ASTN1: variants seen among roughly 807,000 people sequenced by gnomAD.
The protein encoded by ASTN1 is astrotactin-1.
A neutral mutation model predicts 140.7 loss-of-function variants in ASTN1; 41 were observed. The observed-to-expected ratio is 0.29, with a 90% CI of 0.23 to 0.38. The LOEUF is 0.38. Ranked by LOEUF, ASTN1 falls within the 10% of genes least tolerant of loss-of-function variation. ASTN1 has a pLI of 1.00. For missense variants in ASTN1, 1,479 were observed against 1,678.8 expected (o/e 0.88, Z 2.08); for synonymous variants, 640 against 652.2 (o/e 0.98, Z 0.29).
intron 16 of ASTN1, among the ~76,000 whole-genome samples, chr1:176,916,143 T>C (rs1050190932): frequency 2.0e-5 from 3 of 152,142 alleles, no homozygotes; most frequent in African/African-American, 7.2e-5. Flanking sequence ...ACTGAGTCCA[T>C]CTGGATTCAA....
At chr1:177,020,166 G>A (rs1191832238) in intron 7 of ASTN1, among the ~76,000 whole-genome samples, 8 of 152,134 alleles carry the variant, frequency 5.3e-5, no homozygotes, top group Non-Finnish European at 1.0e-4. Context: ...GGGATTATAG[G>A]TGTGAGCTGC....
At chr1:177,076,254 G>A (rs573254292) in intron 1 of ASTN1, among the ~76,000 whole-genome samples, 4 of 138,292 alleles carry the variant, frequency 2.9e-5, no homozygotes, top group Non-Finnish European at 4.6e-5. Context: ...ACTCCAGCCT[G>A]GATGACAGAG....
At chr1:177,041,823 C>G (rs900486346) in intron 2 of ASTN1, among the ~76,000 whole-genome samples, 2 of 152,164 alleles carry the variant, frequency 1.3e-5, no homozygotes, top group Admixed American at 1.3e-4. Context: ...TCCTCAAAGT[C>G]AGGCAGCCCA....
chr1:177,145,011 G>T (rs1289817305), intron 1 of ASTN1, among the ~76,000 whole-genome samples: 1 of 152,108 alleles, frequency 6.6e-6, no homozygotes, highest in African/African-American at 2.4e-5. Flanking sequence ...AGTTTTCAGG[G>T]TGCCTTAAAT....
intron 1 of ASTN1, among the ~76,000 whole-genome samples, chr1:177,123,434 A>G (rs576163017): frequency 1.3e-5 from 2 of 152,344 alleles, no homozygotes; most frequent in African/African-American, 4.8e-5. Context: ...GTTCTCAAAA[A>G]TATAATACCT....
Position 177,116,116 on chromosome 1 carries a change from A to G in ASTN1, c.283+48278T>C, listed in dbSNP as rs181009308. ...AAAAATCAAGTTCTCATCCCATCTGACCTGATTTTCTCTTGCTTGGGACTC... is the reference window on the plus strand; with the variant it reads ...AAAAATCAAGTTCTCATCCCATCTGGCCTGATTTTCTCTTGCTTGGGACTC... On this transcript the variant is annotated intron_variant, in intron 1 of 22. Transcript: ENST00000361833. 5.7e-4 allele frequency among the ~76,000 whole-genome samples: 86 copies of G among 152,194 alleles called. 1 individual carries two copies. The East Asian group carries it at 0.013, about 22-fold the overall frequency.
At chr1:177,107,555 G>A (rs956777927) in intron 1 of ASTN1, among the ~76,000 whole-genome samples, 5 of 152,142 alleles carry the variant, frequency 3.3e-5, no homozygotes, top group Admixed American at 6.5e-5. Flanking sequence ...GCTTCTGACT[G>A]GGTTCCCAGG....
At chr1:177,009,976 A>G (rs1415564540) in intron 8 of ASTN1, among the ~76,000 whole-genome samples, 1 of 152,194 alleles carries the variant, frequency 6.6e-6, no homozygotes, top group Non-Finnish European at 1.5e-5. Flanking sequence ...CCTCACATGC[A>G]TGAATTTAAC....
intron 19 of ASTN1, among the ~76,000 whole-genome samples, chr1:176,883,896 G>A (rs1425220562): frequency 1.3e-5 from 2 of 152,118 alleles, no homozygotes; most frequent in African/African-American, 2.4e-5. Context: ...AAAAGACATG[G>A]GCCAAACACA....
At chr1:177,008,213 T>G (rs559145260) in intron 8 of ASTN1, among the ~76,000 whole-genome samples, 1 of 152,268 alleles carries the variant, frequency 6.6e-6, no homozygotes, top group Admixed American at 6.5e-5. Flanking sequence ...TAAGGGACAA[T>G]GTTTCTGCTA....
chr1:177,056,035 C>T (rs1466475467), intron 2 of ASTN1, among the ~76,000 whole-genome samples: 1 of 152,150 alleles, frequency 6.6e-6, no homozygotes, highest in Non-Finnish European at 1.5e-5. Context: ...TGAAATGAGG[C>T]ACGGCTTCAA....
At chr1:176,944,172 GGT>G (rs1338573711) in intron 13 of ASTN1, among the ~76,000 whole-genome samples, 154 bp from the exon 14 acceptor site, 3 of 152,070 alleles carry the variant, frequency 2.0e-5, no homozygotes, top group Non-Finnish European at 4.4e-5. Flanking sequence ...CTGCCTCCAG[GGT>G]TCAAGCAATT....
At chr1:176,912,465 G>C (rs1670288919) in intron 16 of ASTN1, among the ~76,000 whole-genome samples, 1 of 151,984 alleles carries the variant, frequency 6.6e-6, no homozygotes, top group Non-Finnish European at 1.5e-5. Context: ...TTAGCTTGAG[G>C]GCCATATAAA....
intron 16 of ASTN1, among the ~76,000 whole-genome samples, chr1:176,913,646 A>T (rs1670348829): frequency 6.6e-6 from 1 of 152,246 alleles, no homozygotes; most frequent in Non-Finnish European, 1.5e-5. Context: ...CAGGGTAGGG[A>T]AGCCATTGAA....
At position 177,016,580 on chromosome 1, in the gene ASTN1, G is replaced by C. The variant is rs570303259; in HGVS notation, c.1439-1705C>G. On this transcript the variant is annotated intron_variant, in intron 7 of 22. Coordinates refer to ENST00000361833, the MANE Select transcript of ASTN1 (RefSeq NM_004319.3). Reference sequence around the variant, plus strand: ...AGATAAAGAAGGCAACTACTGGGGAGGGCAAAAGAAGAGAGTACCAGGAGC... The same window carrying C: ...AGATAAAGAAGGCAACTACTGGGGACGGCAAAAGAAGAGAGTACCAGGAGC... 9.2e-5 allele frequency among the ~76,000 whole-genome samples: 14 copies of C among 152,272 alleles called. No individual in the cohort carries two copies. In the South Asian group the frequency reaches 2.9e-3, roughly 32 times the overall value.
chr1:176,873,264 A>G (rs980544521), intron 21 of ASTN1, among the ~76,000 whole-genome samples: 1 of 152,114 alleles, frequency 6.6e-6, no homozygotes, highest in Admixed American at 6.5e-5. Flanking sequence ...ATGAAGCTTC[A>G]TGAAGAACTC....
intron 3 of ASTN1, among the ~76,000 whole-genome samples, chr1:177,032,228 C>G (rs1489247723): frequency 6.6e-6 from 1 of 152,158 alleles, no homozygotes; most frequent in Non-Finnish European, 1.5e-5. Context: ...CTTCCAGTGC[C>G]TGGTGGAAGT....
chr1:176,868,637 G>C (rs967283609), intron 22 of ASTN1, among the ~76,000 whole-genome samples: 4 of 152,142 alleles, frequency 2.6e-5, no homozygotes, highest in Non-Finnish European at 4.4e-5. Flanking sequence ...CAGAGTTCAG[G>C]AAAAGCATTC....
chr1:177,033,729 T>C (rs1676571371), intron 2 of ASTN1, among the ~76,000 whole-genome samples: 1 of 151,922 alleles, frequency 6.6e-6, no homozygotes, highest in Non-Finnish European at 1.5e-5. Flanking sequence ...GGTGGAGGAG[T>C]TACCTTCTGG....
Sources: allele counts gnomAD v4.1 joint callset (sites outside exome capture counted in the v4.1 genomes callset), GRCh38; gene constraint gnomAD v4.1.1; transcripts MANE v1.5; gene names NCBI Gene and HGNC (gene_info 2026-07-23, HGNC 2026-07-21).